The following ASTN2 variants were observed in gnomAD, a reference collection of about 807,000 sequenced individuals.
The protein encoded by ASTN2 is astrotactin-2.
In ASTN2, 54 loss-of-function variants were observed where a neutral mutation model predicts 139.8. That is an observed-to-expected ratio of 0.39 (90% confidence interval 0.31 to 0.48). The LOEUF is 0.48. Among genes scored for constraint, ASTN2 ranks in the 20% least tolerant of loss-of-function variants. The pLI is 0.95. For missense variants in ASTN2, 1,565 were observed against 1,725.1 expected (o/e 0.91, Z 1.64); for synonymous variants, 756 against 719.5 (o/e 1.05, Z -0.81).
At chr9:117,143,249 T>G (rs568203948) in intron 3 of ASTN2, among the ~76,000 whole-genome samples, 2 of 152,344 alleles carry the variant, frequency 1.3e-5, no homozygotes, top group Admixed American at 1.3e-4. Context: ...TCCACAGATA[T>G]CTTAATTAGG....
At chr9:117,081,284 A>G (rs964081733) in intron 5 of ASTN2, among the ~76,000 whole-genome samples, 1 of 152,122 alleles carries the variant, frequency 6.6e-6, no homozygotes, top group South Asian at 2.1e-4. Context: ...CTTCACGTGG[A>G]GCACTAGTTT....
chr9:117,111,381 T>C (rs1005591076), intron 4 of ASTN2, among the ~76,000 whole-genome samples: 4 of 152,028 alleles, frequency 2.6e-5, no homozygotes, highest in African/African-American at 9.7e-5. Context: ...GGAAAAAAAC[T>C]ATATCTACAA....
rs572798657 is a variant in ASTN2 at position 116,770,503 on chromosome 9, G to C, written c.2396+35129C>G. On this transcript the variant is annotated intron_variant, in intron 13 of 22. Coordinates refer to ENST00000313400, the MANE Select transcript of ASTN2 (RefSeq NM_001365068.1). The stretch of plus-strand genomic sequence containing the variant: ...CCTGAGAAACCCAGGTCCCAGAAAG[G>C]TGACATAGTTGATCCAAGGTTTCAT... 2.3e-3 allele frequency among the ~76,000 whole-genome samples: 344 copies of C among 152,280 alleles called. 2 individuals carry two copies. The highest frequency in any genetic ancestry group is 5.6e-3 in the African/African-American group (232 of 41,550).
intron 4 of ASTN2, among the ~76,000 whole-genome samples, chr9:117,125,376 A>G (rs900406035): frequency 3.9e-5 from 6 of 152,212 alleles, no homozygotes; most frequent in African/African-American, 1.4e-4. Flanking sequence ...TAAAAAATAT[A>G]TATCTTCTTT....
chr9:116,824,966 TCTC>T (rs1464996253), intron 11 of ASTN2, among the ~76,000 whole-genome samples: 3 of 152,144 alleles, frequency 2.0e-5, no homozygotes, highest in Non-Finnish European at 4.4e-5. Context: ...TTTAGTCTTT[TCTC>T]CTCCTCTAGG....
At chr9:117,160,253 C>T (rs757579065) in intron 3 of ASTN2, among the ~76,000 whole-genome samples, 16 of 151,962 alleles carry the variant, frequency 1.1e-4, no homozygotes, top group Non-Finnish European at 1.9e-4. Context: ...CCATGAAAAT[C>T]ACACAGGATC....
intron 11 of ASTN2, among the ~76,000 whole-genome samples, chr9:116,858,393 C>T (rs1372486795): frequency 6.6e-6 from 1 of 152,144 alleles, no homozygotes; most frequent in Non-Finnish European, 1.5e-5. Context: ...GCTTCCTGTG[C>T]TGGGAAAACC....
intron 16 of ASTN2, among the ~76,000 whole-genome samples, chr9:116,678,133 T>C (rs1180613342): frequency 6.6e-6 from 1 of 152,238 alleles, no homozygotes; most frequent in East Asian, 1.9e-4. Flanking sequence ...CTTAAAAATA[T>C]AGACACTTGT....
rs1470079120 is a variant in ASTN2 at position 116,795,052 on chromosome 9, C to T, written c.2396+10580G>A. ...AGTGCAATGGTGCAATCTCGGCTTA[C>T]TGCAATCTCCGCCTCCTGGGTTCAA... On this transcript the variant is annotated intron_variant, in intron 13 of 22. Coordinates refer to ENST00000313400, the MANE Select transcript of ASTN2 (RefSeq NM_001365068.1). Among the ~76,000 whole-genome samples the T allele has an allele frequency of 3.9e-5, 6 of 152,226 alleles. No individual in the cohort carries two copies. The East Asian group carries it at 1.2e-3, about 29-fold the overall frequency.
At chr9:116,543,294 G>A (rs951443681) in intron 19 of ASTN2, among the ~76,000 whole-genome samples, 12 of 151,088 alleles carry the variant, frequency 7.9e-5, no homozygotes, top group Non-Finnish European at 1.5e-4. Flanking sequence ...AAAATTAGCT[G>A]GGCATGGTGG....
At position 116,733,471 on chromosome 9, in the gene ASTN2, T is replaced by C. The variant is rs150944935; in HGVS notation, c.2449A>G (p.Ile817Val). 1.4e-4 allele frequency: 230 copies of C among 1,614,044 alleles called. No individual in the cohort carries two copies. Among genetic ancestry groups the C allele is most frequent in the Middle Eastern group, 4.9e-4 (3 of 6,082 alleles). Reference sequence around the variant, plus strand: ...CACTGCTCCTCCACCGGCAGCGGGATCACCAACAGCCCATCGGCCAGCTGG... The same window carrying C: ...CACTGCTCCTCCACCGGCAGCGGGACCACCAACAGCCCATCGGCCAGCTGG... ...FPQLADGLLV[I>V]PLPVEEQCRG... Residue 817 changes from isoleucine to valine, a missense_variant, in exon 14 of 23, where the codon ATC (isoleucine) becomes GTC (valine). Ile to Val is a conservative substitution (Grantham distance 29). Transcript: ENST00000313400.
chr9:116,519,986 A>C (rs2119227554), intron 19 of ASTN2, among the ~76,000 whole-genome samples: 1 of 152,158 alleles, frequency 6.6e-6, no homozygotes, highest in Non-Finnish European at 1.5e-5. Flanking sequence ...CAGACCAAAA[A>C]CAAGCAGTGA....
chr9:116,813,112 G>A (rs781520883), intron 12 of ASTN2, among the ~76,000 whole-genome samples: 1 of 152,064 alleles, frequency 6.6e-6, no homozygotes, highest in Non-Finnish European at 1.5e-5. Context: ...AAATTCTAAA[G>A]AGTGTAGGCT....
intron 10 of ASTN2, among the ~76,000 whole-genome samples, chr9:116,913,797 T>A (rs1177847755): frequency 1.3e-5 from 2 of 151,880 alleles, no homozygotes; most frequent in Non-Finnish European, 2.9e-5. Flanking sequence ...TGCTCCTAAC[T>A]CTCAGGCATG....
At chr9:117,211,442 G>C (rs1319392472) in intron 3 of ASTN2, among the ~76,000 whole-genome samples, 2 of 152,124 alleles carry the variant, frequency 1.3e-5, no homozygotes, top group Non-Finnish European at 2.9e-5. Context: ...GTTCTCACGA[G>C]ATCTGTTTGT....
At chr9:116,755,799 G>T (rs533124897) in intron 13 of ASTN2, among the ~76,000 whole-genome samples, 29 of 152,318 alleles carry the variant, frequency 1.9e-4, no homozygotes, top group African/African-American at 7.0e-4. Context: ...GTATATCCCT[G>T]TAAGTGGGAA....
chr9:116,790,697 A>C (rs1457308206), intron 13 of ASTN2, among the ~76,000 whole-genome samples: 3 of 141,970 alleles, frequency 2.1e-5, no homozygotes, highest in Non-Finnish European at 4.5e-5. Context: ...TTTTTTTGAG[A>C]TGGAGTCTCA....
intron 6 of ASTN2, among the ~76,000 whole-genome samples, chr9:117,027,747 T>C (rs918189443): frequency 1.3e-5 from 2 of 152,202 alleles, no homozygotes; most frequent in Non-Finnish European, 2.9e-5. Context: ...GTTCAGATTA[T>C]CATCTACCTT....
At chr9:116,901,110 G>GTA (rs930557404) in intron 10 of ASTN2, among the ~76,000 whole-genome samples, 5 of 151,858 alleles carry the variant, frequency 3.3e-5, no homozygotes, top group African/African-American at 4.8e-5. Flanking sequence ...GTGTGTGTGT[G>GTA]TGCGCGTGTG....
Sources: gnomAD v4.1 joint callset for allele counts (sites outside exome capture counted in the v4.1 genomes callset) on GRCh38, gnomAD v4.1.1 for gene constraint, MANE v1.5 for transcripts, NCBI Gene and HGNC (gene_info 2026-07-23, HGNC 2026-07-21) for gene names.